Variants in PRIM1 observed in about 807,000 individuals in gnomAD.
PRIM1 encodes the protein DNA primase small subunit.
Under a neutral mutation model 60.2 loss-of-function variants are expected in PRIM1, and 38 were observed. The observed-to-expected ratio is 0.63, with a 90% CI of 0.49 to 0.83. The LOEUF is 0.83. Among genes scored for constraint, PRIM1 ranks in the 40% least tolerant of loss-of-function variants. PRIM1 has a pLI of 0.00. For synonymous variants in PRIM1, 158 were observed against 160.2 expected (o/e 0.99, Z 0.10); for missense variants, 388 against 506.2 (o/e 0.77, Z 2.24).
In PRIM1 at chr12:56,744,118, A is replaced by G; in HGVS notation, c.585T>C (p.Gly195=). 6.4e-7 allele frequency: 1 copy of G among 1,558,392 alleles called. No homozygotes were observed. The highest frequency in any genetic ancestry group is 1.2e-5 in the South Asian group (1 of 84,822). The change falls in exon 6 of 13, where the codon GGT becomes GGC. Residue 195 remains glycine (G), a synonymous_variant. Transcript: ENST00000338193. ...IVEYLSLVKG[G]QDVKKKVHLS... ...GGTGAACTTTCTTTTTAACGTCTTG[A>G]CCACCCTGAAAAATAAATCATTAAA...
intron 11 of PRIM1, among the ~76,000 whole-genome samples, chr12:56,736,003 A>C (rs1331728219): frequency 6.6e-6 from 1 of 151,916 alleles, no homozygotes; most frequent in Non-Finnish European, 1.5e-5. Context: ...TATACAACAA[A>C]AAATTTAATA....
At chr12:56,736,298 T>TAAA (rs756452647) in intron 11 of PRIM1, among the ~76,000 whole-genome samples, 3,229 of 24,280 alleles carry the variant, frequency 0.13, 920 homozygotes, top group African/African-American at 0.18. Context: ...ACTCTTTCTC[T>TAAA]AAAAAAAAAA....
intron 2 of PRIM1, 112 bp downstream of exon 2, chr12:56,750,926 G>T: frequency 1.5e-6 from 1 of 668,828 alleles, no homozygotes; most frequent in Non-Finnish European, 2.2e-6. Context: ...TTAAAAAGTG[G>T]CTTTTCATCT....
chr12:56,745,061 A>G (rs1026919151), intron 5 of PRIM1, among the ~76,000 whole-genome samples: 2 of 150,774 alleles, frequency 1.3e-5, no homozygotes, highest in Admixed American at 6.6e-5. Flanking sequence ...GAGCCAAGAT[A>G]GCGCCACTGC....
At chr12:56,735,257 C>G (rs1565904669) in intron 11 of PRIM1, among the ~76,000 whole-genome samples, 1 of 151,818 alleles carries the variant, frequency 6.6e-6, no homozygotes, top group Non-Finnish European at 1.5e-5. Flanking sequence ...TGCCACCATG[C>G]CCGGCTAAGT....
intron 11 of PRIM1, among the ~76,000 whole-genome samples, chr12:56,737,261 C>A (rs577489434): frequency 3.3e-5 from 5 of 152,138 alleles, no homozygotes; most frequent in East Asian, 1.9e-4. Context: ...ACTCCTCCCC[C>A]TCTCTTTGCA....
intron 1 of PRIM1, 30 bp from the exon 2 acceptor site, chr12:56,751,225 AT>A: frequency 6.9e-7 from 1 of 1,444,236 alleles, no homozygotes; most frequent in Non-Finnish European, 9.2e-7. Context: ...TTTAAAGTTA[AT>A]TTGCTACTTT....
intron 1 of PRIM1, 28 bp downstream of exon 1, chr12:56,752,168 T>TC (rs763309799): frequency 1.3e-6 from 2 of 1,508,634 alleles, no homozygotes; most frequent in South Asian, 1.2e-5. Flanking sequence ...CACACTCCGC[T>TC]CCCGAACCCA....
At chr12:56,740,257 T>A (rs181300484) in intron 9 of PRIM1, among the ~76,000 whole-genome samples, 1 of 152,318 alleles carries the variant, frequency 6.6e-6, no homozygotes, top group East Asian at 1.9e-4. Flanking sequence ...TAAAGTATAT[T>A]TAAATATTCC....
At chr12:56,744,388 G>T (rs1310596308) in intron 5 of PRIM1, among the ~76,000 whole-genome samples, 1 of 152,014 alleles carries the variant, frequency 6.6e-6, no homozygotes, top group Non-Finnish European at 1.5e-5. Context: ...AGCTACTCGG[G>T]AGGCTGAGGC....
intron 12 of PRIM1, among the ~76,000 whole-genome samples, chr12:56,732,562 A>G (rs1250891644): frequency 6.6e-6 from 1 of 152,160 alleles, no homozygotes; most frequent in Non-Finnish European, 1.5e-5. Flanking sequence ...AAAGCTTCCT[A>G]TTAAGCCCAA....
chr12:56,741,924 C>G, intron 7 of PRIM1, 87 bp from the exon 8 acceptor site: 1 of 1,187,252 alleles, frequency 8.4e-7, no homozygotes. Flanking sequence ...GGGTGTCTTA[C>G]AAATATTCAG....
intron 11 of PRIM1, among the ~76,000 whole-genome samples, chr12:56,737,992 C>T (rs185829143): frequency 1.0e-3 from 158 of 151,844 alleles, no homozygotes; most frequent in African/African-American, 3.2e-3. Context: ...CCCAAAGAGC[C>T]GGGATTACAG....
chr12:56,733,493 G>C (rs1042324809), intron 12 of PRIM1, among the ~76,000 whole-genome samples: 1 of 147,636 alleles, frequency 6.8e-6, no homozygotes, highest in Non-Finnish European at 1.5e-5. Context: ...TACACTGAAA[G>C]GAGTTCAGAT....
chr12:56,739,538 C>T (rs1341987458), intron 9 of PRIM1, among the ~76,000 whole-genome samples, 175 bp from the exon 10 acceptor site: 1 of 152,160 alleles, frequency 6.6e-6, no homozygotes, highest in Non-Finnish European at 1.5e-5. Flanking sequence ...TGTGCCCTTA[C>T]TCTTTTTTAG....
In PRIM1 at chr12:56,749,115, T is replaced by C. The variant is rs558190757; in HGVS notation, c.261+1923A>G. Among the ~76,000 whole-genome samples the C allele has an allele frequency of 2.0e-5, 3 of 152,172 alleles. No individual in the cohort carries two copies. In the South Asian group the frequency reaches 6.2e-4, roughly 32 times the overall value. On this transcript the variant is annotated intron_variant, in intron 2 of 12. Coordinates refer to ENST00000338193, the MANE Select transcript of PRIM1 (RefSeq NM_000946.3). ...CCTCCACCTACCGGGTTCAAGCAAT[T>C]CTCCTGCCTCAGCCTCCTGAGTAGC...
Position 56,741,835 on chromosome 12 carries a change from T to C in PRIM1, c.751A>G (p.Ile251Val). 6.2e-7 allele frequency: 1 copy of C among 1,613,826 alleles called. No homozygotes were observed. Among genetic ancestry groups the C allele is most frequent in the East Asian group, 2.2e-5 (1 of 44,870 alleles). The change falls in exon 8 of 13, where the codon ATT becomes GTT. Residue 251 changes from isoleucine to valine, a missense_variant and splice_region_variant. Physicochemically the swap from Ile to Val is conservative, Grantham distance 29 (BLOSUM62 3). Around this residue, in one of 3 missense-constraint regions of PRIM1, gnomAD observed 211 missense variants for 277.9 expected, o/e 0.76. Transcript: ENST00000338193. ...DKILALVPET[I>V]HDELQQSFQK... ...AAGCTTTGTTGAAGTTCATCATGAA[T>C]TGGTGATGGGTCATTAAGGAACAGA...
chr12:56,747,073 C>T (rs757659530), intron 2 of PRIM1, 41 bp from the exon 3 acceptor site: 1 of 1,483,428 alleles, frequency 6.7e-7, no homozygotes, highest in Non-Finnish European at 9.3e-7. Flanking sequence ...TAAGAGCTGC[C>T]ACACTGCTAA....
chr12:56,738,795 G>A (rs1391367462), intron 10 of PRIM1, among the ~76,000 whole-genome samples: 5 of 152,054 alleles, frequency 3.3e-5, no homozygotes, highest in East Asian at 3.8e-4. Flanking sequence ...TGTGATCCAC[G>A]CGCTTTGCCC....
Sources: allele counts gnomAD v4.1 joint callset (sites outside exome capture counted in the v4.1 genomes callset), GRCh38; gene constraint gnomAD v4.1.1; regional missense constraint gnomAD v4.1.1; transcripts MANE v1.5; gene names NCBI Gene and HGNC (gene_info 2026-07-23, HGNC 2026-07-21).